KCNH7: variants seen among roughly 807,000 people sequenced by gnomAD.
The protein encoded by KCNH7 is voltage-gated inwardly rectifying potassium channel KCNH7.
In KCNH7, 49 loss-of-function variants were observed where a neutral mutation model predicts 120.8. The ratio of observed to expected loss-of-function variants is 0.41; its 90% CI spans 0.32 to 0.51. The LOEUF (loss-of-function observed/expected upper bound fraction) is 0.51. Ranked by LOEUF, KCNH7 falls within the 20% of genes least tolerant of loss-of-function variation. The pLI is 0.38. For synonymous variants in KCNH7, 547 were observed against 516.1 expected, an observed-to-expected ratio of 1.06 and a Z score of -0.81; for missense variants, 1,097 against 1,446.6, an observed-to-expected ratio of 0.76 and a Z score of 3.92.
At chr2:162,774,446 G>A (rs2105478528) in intron 2 of KCNH7, among the ~76,000 whole-genome samples, 1 of 152,138 alleles carries the variant, frequency 6.6e-6, no homozygotes, top group Non-Finnish European at 1.5e-5. Flanking sequence ...TCTGGGAGTG[G>A]GATTATCAGA....
At chr2:162,427,433 G>A (rs1687903535) in intron 8 of KCNH7, among the ~76,000 whole-genome samples, 1 of 151,932 alleles carries the variant, frequency 6.6e-6, no homozygotes. Context: ...TCTCATTAGA[G>A]TTTTAATGTG....
chr2:162,786,489 G>A (rs1683710944), intron 2 of KCNH7, among the ~76,000 whole-genome samples: 2 of 152,094 alleles, frequency 1.3e-5, no homozygotes, highest in South Asian at 4.1e-4. Context: ...GACTTTTTGA[G>A]CTTGTACTTC....
intron 3 of KCNH7, among the ~76,000 whole-genome samples, chr2:162,533,197 A>T (rs533339521): frequency 6.6e-6 from 1 of 151,966 alleles, no homozygotes; most frequent in African/African-American, 2.4e-5. Flanking sequence ...CCCCGAAACC[A>T]GAATAAAACA....
chr2:162,395,558 G>T (rs1686886686), intron 11 of KCNH7, among the ~76,000 whole-genome samples: 1 of 151,668 alleles, frequency 6.6e-6, no homozygotes, highest in African/African-American at 2.4e-5. Context: ...GAAGTTATGA[G>T]AGGTAGATAT....
intron 2 of KCNH7, among the ~76,000 whole-genome samples, chr2:162,776,241 T>C (rs1683233215): frequency 6.6e-6 from 1 of 152,138 alleles, no homozygotes. Context: ...ATGTAGCCTC[T>C]GGATGGGAGG....
chr2:162,604,146 A>G (rs567726481), intron 2 of KCNH7, among the ~76,000 whole-genome samples: 18 of 152,110 alleles, frequency 1.2e-4, no homozygotes, highest in Non-Finnish European at 2.6e-4. Flanking sequence ...TTAGGAAAAA[A>G]TTACACATTA....
chr2:162,504,937 A>G (rs1690818833), intron 5 of KCNH7, among the ~76,000 whole-genome samples: 1 of 152,022 alleles, frequency 6.6e-6, no homozygotes, highest in South Asian at 2.1e-4. Context: ...CTAGAATAAA[A>G]GAAAAAACTA....
intron 2 of KCNH7, among the ~76,000 whole-genome samples, chr2:162,693,580 C>T (rs1245418422): frequency 6.6e-6 from 1 of 152,110 alleles, no homozygotes; most frequent in Non-Finnish European, 1.5e-5. Flanking sequence ...AGGACGTTAG[C>T]ACATATATCC....
chr2:162,435,430 C>T lies in KCNH7; in HGVS notation c.1722G>A (p.Gly574=), dbSNP rs757640852. Residue 574 remains glycine (G), a synonymous_variant, in exon 8 of 16, where the codon GGG becomes GGA. Transcript: ENST00000332142. The part of the protein sequence containing the change: ...HWLACIWYAI[G]NVERPYLTDK... The stretch of plus-strand genomic sequence containing the variant: ...CAGTCAGGTAAGGCCTTTCTACATT[C>T]CCAATCGCATACCAAATGCAAGCCA... The T allele has an allele frequency of 1.2e-6, 2 of 1,613,802 alleles. No homozygotes were observed. Among genetic ancestry groups the T allele is most frequent in the South Asian group, 2.2e-5 (2 of 91,070 alleles).
At chr2:162,779,135 G>C (rs1304910298) in intron 2 of KCNH7, among the ~76,000 whole-genome samples, 1 of 152,010 alleles carries the variant, frequency 6.6e-6, no homozygotes, top group Non-Finnish European at 1.5e-5. Flanking sequence ...AGTTGTAGGA[G>C]AGCTTTCACC....
intron 2 of KCNH7, among the ~76,000 whole-genome samples, chr2:162,777,869 C>G (rs879884788): frequency 6.6e-6 from 1 of 152,030 alleles, no homozygotes; most frequent in Non-Finnish European, 1.5e-5. Context: ...ATTGAACTAA[C>G]AGTAATTGCA....
intron 2 of KCNH7, among the ~76,000 whole-genome samples, chr2:162,557,408 A>C (rs569511300): frequency 1.3e-5 from 2 of 152,212 alleles, no homozygotes; most frequent in Non-Finnish European, 2.9e-5. Flanking sequence ...CCAGCACAGC[A>C]TCACTTCTTC....
chr2:162,564,965 A>C (rs1048678926), intron 2 of KCNH7, among the ~76,000 whole-genome samples: 2 of 152,116 alleles, frequency 1.3e-5, no homozygotes, highest in African/African-American at 4.8e-5. Flanking sequence ...TTTATATTTA[A>C]AGGCTAATTC....
At chr2:162,556,819 CTACTT>C (rs1476288282) in intron 2 of KCNH7, among the ~76,000 whole-genome samples, 5 of 152,144 alleles carry the variant, frequency 3.3e-5, no homozygotes, top group African/African-American at 1.2e-4. Flanking sequence ...CATTTTAAAA[CTACTT>C]TATAGAATTT....
intron 2 of KCNH7, among the ~76,000 whole-genome samples, chr2:162,714,246 G>A (rs899653536): frequency 1.6e-4 from 24 of 152,232 alleles, no homozygotes; most frequent in African/African-American, 2.6e-4. Flanking sequence ...GAATTGACAC[G>A]TGCTTCCAGG....
chr2:162,398,359 G>C (rs186263572), intron 10 of KCNH7, among the ~76,000 whole-genome samples: 27 of 151,908 alleles, frequency 1.8e-4, no homozygotes, highest in African/African-American at 6.3e-4. Flanking sequence ...ATCAAACACT[G>C]TATCTTAACT....
chr2:162,463,917 A>G (rs1264722425), intron 6 of KCNH7, among the ~76,000 whole-genome samples: 2 of 151,980 alleles, frequency 1.3e-5, no homozygotes, highest in Non-Finnish European at 2.9e-5. Context: ...TATCCAAGGG[A>G]GAAAACAAAT....
At chr2:162,641,449 C>A (rs1376392557) in intron 2 of KCNH7, among the ~76,000 whole-genome samples, 1 of 152,066 alleles carries the variant, frequency 6.6e-6, no homozygotes. Context: ...ATGGCTCACA[C>A]CTATAATCCC....
intron 2 of KCNH7, among the ~76,000 whole-genome samples, chr2:162,620,901 T>C (rs761188893): frequency 4.6e-5 from 7 of 152,160 alleles, no homozygotes; most frequent in South Asian, 2.1e-4. Flanking sequence ...TTATCCGAAC[T>C]GGGACACATT....
Sources: gnomAD v4.1 joint callset for allele counts (sites outside exome capture counted in the v4.1 genomes callset) on GRCh38, gnomAD v4.1.1 for gene constraint, MANE v1.5 for transcripts, NCBI Gene and HGNC (gene_info 2026-07-23, HGNC 2026-07-21) for gene names.